The following SH3PXD2A variants were observed in gnomAD, a reference collection of about 807,000 sequenced individuals.
SH3PXD2A encodes the protein SH3 and PX domains 2A, also known as SH3 and PX domain-containing protein 2A.
Under a neutral mutation model 115.2 loss-of-function variants are expected in SH3PXD2A, and 32 were observed. The observed-to-expected ratio is 0.28, with a 90% CI of 0.21 to 0.37. The LOEUF is 0.37. SH3PXD2A is among the 10% of genes least tolerant of loss of function. The pLI is 1.00. For synonymous variants in SH3PXD2A, 610 were observed against 629.1 expected, an observed-to-expected ratio of 0.97 and a Z score of 0.45; for missense variants, 1,328 against 1,498.7, an observed-to-expected ratio of 0.89 and a Z score of 1.88.
rs1266808810 is a variant in SH3PXD2A at position 103,847,242 on chromosome 10, C to T, written c.72+7953G>A. Among the ~76,000 whole-genome samples, 3 of 152,070 alleles carry T rather than the reference C, an allele frequency of 2.0e-5. No homozygotes were observed. In the East Asian group the frequency reaches 5.8e-4, roughly 29 times the overall value. On this transcript the variant is annotated intron_variant, in intron 1 of 14. Transcript: ENST00000369774. ...CTCACTGCAGCCTCCAATTCCTGGG[C>T]TCAAGTGATCTTCCCACTTCAGCCT... is the stretch of plus-strand genomic sequence containing the variant.
Position 103,724,322 on chromosome 10 carries a change from C to A in SH3PXD2A, c.346G>T (p.Glu116Ter). ...CGAGCCTCGAAGAACCGGAAGACTT[C>A]GTCACACTGTGAGATGTGGGGGGGC... is the stretch of plus-strand genomic sequence containing the variant. ...RLPPHISQCD[E>*]VFRFFEARPE... is the part of the protein sequence containing the mutation. Residue 116 changes from glutamate to a stop codon, truncating the protein, a stop_gained, in exon 5 of 15, where the codon GAA becomes TAA. Transcript: ENST00000369774. LOFTEE classifies it high-confidence loss of function. 6.3e-7 allele frequency: 1 copy of A among 1,584,936 alleles called. No homozygotes were observed. Among genetic ancestry groups the A allele is most frequent in the Non-Finnish European group, 8.6e-7 (1 of 1,168,314 alleles).
chr10:103,652,814 G>T (rs1421188070), intron 8 of SH3PXD2A, among the ~76,000 whole-genome samples: 3 of 152,158 alleles, frequency 2.0e-5, no homozygotes, highest in Admixed American at 1.3e-4. Context: ...CAGGACACCT[G>T]TGCAAAGGTA....
intron 1 of SH3PXD2A, among the ~76,000 whole-genome samples, chr10:103,839,900 A>G (rs147434879): frequency 3.2e-3 from 488 of 152,350 alleles, no homozygotes; most frequent in African/African-American, 0.011. Flanking sequence ...AGGGCCGGAG[A>G]GGACAGTGCC....
intron 1 of SH3PXD2A, among the ~76,000 whole-genome samples, chr10:103,808,606 C>A (rs757195444): frequency 2.0e-4 from 31 of 152,172 alleles, no homozygotes; most frequent in Non-Finnish European, 4.1e-4. Context: ...AGACTTCCGA[C>A]ATCTGATCTG....
At chr10:103,813,748 C>A (rs1490699149) in intron 1 of SH3PXD2A, among the ~76,000 whole-genome samples, 1 of 152,212 alleles carries the variant, frequency 6.6e-6, no homozygotes, top group Non-Finnish European at 1.5e-5. Context: ...TGACATCCAG[C>A]ATTTGCTCAT....
chr10:103,735,726 T>C lies in SH3PXD2A; in HGVS notation c.306+6A>G. On this transcript the variant is annotated splice_donor_region_variant and intron_variant, in intron 4 of 14. Coordinates refer to ENST00000369774, the MANE Select transcript of SH3PXD2A (RefSeq NM_001394015.1). ...GCCCCTCCCCCAGCCCCAGATACAC[T>C]CTCACCCGGCAGTATTCATCGATGG... 1.2e-6 allele frequency: 1 copy of C among 814,996 alleles called. No homozygotes were observed. The highest frequency in any genetic ancestry group is 1.9e-6 in the Non-Finnish European group (1 of 515,928). 50.5% of individuals were successfully genotyped at this position (814,996 alleles called of 1,614,324 possible).
At chr10:103,683,784 A>G (rs950329653) in intron 6 of SH3PXD2A, among the ~76,000 whole-genome samples, 1 of 152,090 alleles carries the variant, frequency 6.6e-6, no homozygotes, top group Non-Finnish European at 1.5e-5. Flanking sequence ...CCTTCAGCCC[A>G]TCACAATCTC....
intron 1 of SH3PXD2A, among the ~76,000 whole-genome samples, chr10:103,842,481 A>C (rs2134319269): frequency 6.6e-6 from 1 of 152,304 alleles, no homozygotes; most frequent in South Asian, 2.1e-4. Context: ...TGTACTATCA[A>C]ATACTAAAAC....
At chr10:103,781,406 A>G (rs951234511) in intron 2 of SH3PXD2A, among the ~76,000 whole-genome samples, 1 of 152,122 alleles carries the variant, frequency 6.6e-6, no homozygotes, top group African/African-American at 2.4e-5. Flanking sequence ...GGATGGGGTC[A>G]CCAGCTGGGG....
At chr10:103,662,559 C>T (rs931123981) in intron 7 of SH3PXD2A, among the ~76,000 whole-genome samples, 10 of 150,948 alleles carry the variant, frequency 6.6e-5, no homozygotes, top group Non-Finnish European at 1.2e-4. Context: ...GCCACCGCGC[C>T]CGGCTAATTT....
At chr10:103,616,416 G>C (rs1249473942) in intron 11 of SH3PXD2A, among the ~76,000 whole-genome samples, 1 of 152,236 alleles carries the variant, frequency 6.6e-6, no homozygotes, top group Non-Finnish European at 1.5e-5. Flanking sequence ...CTGAGATCAA[G>C]TCTCCTGGAG....
intron 1 of SH3PXD2A, among the ~76,000 whole-genome samples, chr10:103,815,313 T>G (rs2039312966): frequency 6.6e-6 from 1 of 151,720 alleles, no homozygotes; most frequent in Non-Finnish European, 1.5e-5. Flanking sequence ...TTGCAAATAT[T>G]CTAGACAAAG....
rs867229668 is a variant in SH3PXD2A at position 103,769,171 on chromosome 10, T to C, written c.154-2002A>G. Among the ~76,000 whole-genome samples the C allele has an allele frequency of 4.5e-4, 47 of 105,276 alleles. 2 individuals are homozygous for C. The highest frequency in any genetic ancestry group is 1.9e-3 in the African/African-American group (40 of 20,624). The allele number at this position is 105,276 out of a possible 152,430, so 69.1% of individuals were successfully genotyped here. On this transcript the variant is annotated intron_variant, in intron 2 of 14. Transcript: ENST00000369774. ...GTGTGTGTGTGTGTGTGTGTGTGTG[T>C]GTGTGTGTGTGCGCGCGCGCGCGCA...
intron 8 of SH3PXD2A, among the ~76,000 whole-genome samples, chr10:103,629,249 C>T (rs537545746): frequency 6.6e-6 from 1 of 152,244 alleles, no homozygotes; most frequent in Non-Finnish European, 1.5e-5. Flanking sequence ...GCTGAAGTCA[C>T]TGAGCAGCTC....
At chr10:103,675,598 A>G (rs1485685307) in intron 6 of SH3PXD2A, among the ~76,000 whole-genome samples, 1 of 152,224 alleles carries the variant, frequency 6.6e-6, no homozygotes, top group African/African-American at 2.4e-5. Context: ...CACACAGCAA[A>G]TAAGTCGTAG....
At chr10:103,798,939 A>T (rs957636784) in intron 2 of SH3PXD2A, among the ~76,000 whole-genome samples, 1 of 152,216 alleles carries the variant, frequency 6.6e-6, no homozygotes, top group African/African-American at 2.4e-5. Context: ...ACATCCCTGC[A>T]ACCTGCTAAC....
At chr10:103,619,867 A>G (rs966328317) in intron 10 of SH3PXD2A, among the ~76,000 whole-genome samples, 1 of 152,196 alleles carries the variant, frequency 6.6e-6, no homozygotes, top group African/African-American at 2.4e-5. Flanking sequence ...GTCACTGCAC[A>G]GGTTGCAGGG....
intron 1 of SH3PXD2A, among the ~76,000 whole-genome samples, chr10:103,817,649 T>C (rs1411055576): frequency 6.6e-6 from 1 of 151,986 alleles, no homozygotes; most frequent in African/African-American, 2.4e-5. Context: ...CCTGTGTTCA[T>C]AGGTTCTTAT....
Position 103,602,508 on chromosome 10 carries a change from G to A in SH3PXD2A, c.2710C>T (p.Pro904Ser), listed in dbSNP as rs1361331813. Residue 904 changes from proline to serine, a missense_variant, in exon 15 of 15, where the codon CCC becomes TCC. Transcript: ENST00000369774. ...ACTGTGTCCAGCTCTTTGCCAGAGGGGTCAGGTTGCTCGTTCTCATCCAGC... is the reference window on the plus strand; with the variant it reads ...ACTGTGTCCAGCTCTTTGCCAGAGGAGTCAGGTTGCTCGTTCTCATCCAGC... ...LVLDENEQPD[P>S]SGKELDTVPA... 1 of 1,614,158 alleles carries A rather than the reference G, an allele frequency of 6.2e-7. No individual in the cohort carries two copies. Among genetic ancestry groups the A allele is most frequent in the Non-Finnish European group, 8.5e-7 (1 of 1,180,014 alleles).
Sources: gnomAD v4.1 joint callset for allele counts (sites outside exome capture counted in the v4.1 genomes callset) on GRCh38, gnomAD v4.1.1 for gene constraint, MANE v1.5 for transcripts, NCBI Gene and HGNC (gene_info 2026-07-23, HGNC 2026-07-21) for gene names.